The following RAD51B variants were observed in gnomAD, a reference collection of about 807,000 sequenced individuals.
RAD51B encodes the protein RAD51 paralog B.
In RAD51B, 38 loss-of-function variants were observed where a neutral mutation model predicts 42.2. The observed-to-expected ratio is 0.90, with a 90% CI of 0.70 to 1.18. The LOEUF (loss-of-function observed/expected upper bound fraction) is 1.18. Among genes scored for constraint, RAD51B ranks in the 50% most tolerant of loss-of-function variants. RAD51B has a pLI of 0.00. For missense variants in RAD51B, 373 were observed against 400.7 expected, an observed-to-expected ratio of 0.93 and a Z score of 0.59; for synonymous variants, 154 against 145.2, an observed-to-expected ratio of 1.06 and a Z score of -0.43.
intron 4 of RAD51B, chr14:67,858,165 C>G (rs905987685): frequency 1.3e-5 from 2 of 152,320 alleles, no homozygotes; most frequent in African/African-American, 4.8e-5. Context: ...CCCCTTACCT[C>G]GTTATGTGGG....
At chr14:67,861,415 G>A (rs1000983887) in intron 4 of RAD51B, among the ~76,000 whole-genome samples, 1 of 151,728 alleles carries the variant, frequency 6.6e-6, no homozygotes, top group Non-Finnish European at 1.5e-5. Context: ...GAGGTGGGTG[G>A]ATGGCTTGAG....
intron 7 of RAD51B, among the ~76,000 whole-genome samples, chr14:68,038,792 A>C (rs2076172771): frequency 6.6e-6 from 1 of 152,182 alleles, no homozygotes; most frequent in Non-Finnish European, 1.5e-5. Context: ...TATCAGTAAA[A>C]ATTAAACTAT....
chr14:68,192,599 T>A (rs2079288806), intron 7 of RAD51B, among the ~76,000 whole-genome samples: 1 of 152,216 alleles, frequency 6.6e-6, no homozygotes, highest in Non-Finnish European at 1.5e-5. Context: ...CAGACTTTCC[T>A]ATCCAGAATT....
At chr14:67,953,364 T>A (rs982051887) in intron 7 of RAD51B, among the ~76,000 whole-genome samples, 1 of 151,992 alleles carries the variant, frequency 6.6e-6, no homozygotes, top group Non-Finnish European at 1.5e-5. Flanking sequence ...TGATTTAGGG[T>A]GAAGTATAAC....
intron 10 of RAD51B, among the ~76,000 whole-genome samples, chr14:68,607,114 G>A (rs1055809741): frequency 2.0e-5 from 3 of 152,212 alleles, no homozygotes; most frequent in East Asian, 1.9e-4. Flanking sequence ...TGCAGCAAGA[G>A]TGACTTTTCC....
At chr14:67,965,101 AG>A (rs2074744021) in intron 7 of RAD51B, among the ~76,000 whole-genome samples, 1 of 152,170 alleles carries the variant, frequency 6.6e-6, no homozygotes, top group South Asian at 2.1e-4. Flanking sequence ...GAGCTCAGTA[AG>A]GGTTGCTATC....
exon 11 of RAD51B, chr14:68,595,551 A>G (rs1890957638): frequency 6.6e-6 from 7 of 1,066,534 alleles, no homozygotes; most frequent in South Asian, 4.5e-5. Context: ...CAAATGACCA[A>G]TGGCTTTTAA....
At chr14:67,935,806 G>C (rs1176643682) in intron 7 of RAD51B, among the ~76,000 whole-genome samples, 1 of 152,112 alleles carries the variant, frequency 6.6e-6, no homozygotes, top group Admixed American at 6.5e-5. Context: ...AGGGCCTGCC[G>C]AGGACTTCAT....
intron 11 of RAD51B, among the ~76,000 whole-genome samples, chr14:68,665,334 ATT>A (rs1375661522): frequency 1.3e-5 from 2 of 152,272 alleles, no homozygotes; most frequent in South Asian, 4.1e-4. Flanking sequence ...CAGGCAGGAT[ATT>A]GAGTTTTAAG....
chr14:68,641,800 A>T (rs1179612875), intron 10 of RAD51B, among the ~76,000 whole-genome samples: 1 of 151,232 alleles, frequency 6.6e-6, no homozygotes, highest in Non-Finnish European at 1.5e-5. Context: ...GGTTCAAGTG[A>T]TCCTCCTGCA....
chr14:67,916,537 C>T lies in RAD51B; in HGVS notation c.756+29333C>T, dbSNP rs1012173763. The stretch of plus-strand genomic sequence containing the variant: ...GGATTGCAGACGTGAGCCACAGTGC[C>T]TGACAGTAATATTTTTTTTTTTATT... On this transcript the variant is annotated intron_variant, in intron 7 of 10. Transcript: ENST00000471583. Among the ~76,000 whole-genome samples, 122 of 151,668 alleles carry T rather than the reference C, an allele frequency of 8.0e-4. 1 individual carries two copies. The highest frequency in any genetic ancestry group is 2.9e-3 in the African/African-American group (120 of 40,990).
At chr14:67,902,030 T>A (rs1303501819) in intron 7 of RAD51B, among the ~76,000 whole-genome samples, 2 of 152,154 alleles carry the variant, frequency 1.3e-5, no homozygotes, top group Non-Finnish European at 2.9e-5. Flanking sequence ...AATTACACTG[T>A]ATCCCATACA....
At chr14:68,198,691 A>C (rs1464075413) in intron 7 of RAD51B, among the ~76,000 whole-genome samples, 8 of 152,210 alleles carry the variant, frequency 5.3e-5, no homozygotes, top group African/African-American at 1.9e-4. Flanking sequence ...TGGCTGATAT[A>C]TTAAGTCAAT....
At chr14:68,563,326 T>C in intron 10 of RAD51B, 1 of 985,396 alleles carries the variant, frequency 1.0e-6, no homozygotes, top group Non-Finnish European at 1.2e-6. Context: ...GCGTGCTCCT[T>C]CTTCCCCTCC....
At chr14:67,923,298 CTTTTTTTTTTT>C (rs34809964) in intron 7 of RAD51B, among the ~76,000 whole-genome samples, 2 of 123,658 alleles carry the variant, frequency 1.6e-5, no homozygotes, top group Admixed American at 1.6e-4. Flanking sequence ...TTTTCTTTTT[CTTTTTTTTTTT>C]TTTTTTTGAG....
At chr14:67,827,463 G>GTT (rs5809365) in intron 3 of RAD51B, among the ~76,000 whole-genome samples, 29 of 148,608 alleles carry the variant, frequency 2.0e-4, no homozygotes, top group Non-Finnish European at 2.4e-4. Context: ...CACTGGCTTA[G>GTT]TTTTTTTTTT....
chr14:68,288,184 C>A (rs957505578), intron 7 of RAD51B, among the ~76,000 whole-genome samples: 4 of 152,178 alleles, frequency 2.6e-5, no homozygotes, highest in African/African-American at 9.7e-5. Context: ...GTTTTCAAGT[C>A]TCTTGATTGC....
Position 68,274,276 on chromosome 14 carries a change from T to G in RAD51B, c.757-17608T>G, listed in dbSNP as rs1356012115. On this transcript the variant is annotated intron_variant, in intron 7 of 10. Coordinates refer to ENST00000471583, the MANE Select transcript of RAD51B (RefSeq NM_133510.4). ...TATTCAGTTAATATTTACATTACTG[T>G]GACAATGTAAGCATTCATGGCAGAG... Among the ~76,000 whole-genome samples, 6 of 152,208 alleles carry G rather than the reference T, an allele frequency of 3.9e-5. No individual in the cohort carries two copies. In the East Asian group the frequency reaches 9.6e-4, roughly 24 times the overall value.
At chr14:68,464,088 T>C (rs1266421189) in intron 9 of RAD51B, among the ~76,000 whole-genome samples, 1 of 152,246 alleles carries the variant, frequency 6.6e-6, no homozygotes, top group Non-Finnish European at 1.5e-5. Flanking sequence ...TTTAGTTCAA[T>C]AAAATTGCAT....
Sources: gnomAD v4.1 joint callset for allele counts (sites outside exome capture counted in the v4.1 genomes callset) on GRCh38, gnomAD v4.1.1 for gene constraint, MANE v1.5 for transcripts, NCBI Gene and HGNC (gene_info 2026-07-23, HGNC 2026-07-21) for gene names.